The following CTSB variants were observed in gnomAD, a reference collection of about 807,000 sequenced individuals.
CTSB encodes APP secretase.
In CTSB, 57 loss-of-function variants were observed where a neutral mutation model predicts 44.3. The ratio of observed to expected loss-of-function variants is 1.29; its 90% CI spans 1.04 to 1.60. The LOEUF (loss-of-function observed/expected upper bound fraction) is 1.60. Ranked by LOEUF, CTSB falls within the 40% of genes most tolerant of loss-of-function variation. The pLI is 0.00. For missense variants in CTSB, 768 were observed against 443.0 expected, an observed-to-expected ratio of 1.73 and a Z score of -6.59; for synonymous variants, 320 against 168.0, an observed-to-expected ratio of 1.91 and a Z score of -7.00.
Position 11,851,347 on chromosome 8 carries a change from ACC to A in CTSB, c.213-369_213-368del, listed in dbSNP as rs1814571898. Reference sequence around the variant, plus strand: ...TGGGATTACAGGCATGCACCACCACACCCGGCTAATTTTTGTATTTTTAGTAA... The same window carrying A: ...TGGGATTACAGGCATGCACCACCACACGGCTAATTTTTGTATTTTTAGTAA... On this transcript the variant is annotated intron_variant, in intron 3 of 9. Transcript: ENST00000353047. 2.0e-5 allele frequency among the ~76,000 whole-genome samples: 3 copies of A among 150,698 alleles called. No homozygotes were observed. In the South Asian group the frequency reaches 6.3e-4, roughly 32 times the overall value.
In CTSB at chr8:11,847,897, G is replaced by A. The variant is rs561808237; in HGVS notation, c.533-75C>T. The A allele has an allele frequency of 2.3e-5, 34 of 1,506,992 alleles. 1 individual carries two copies. In the South Asian group the frequency reaches 3.7e-4, roughly 16 times the overall value. 93.4% of individuals were successfully genotyped at this position (1,506,992 alleles called of 1,614,324 possible). ...AGACCTGGGGCAAGGCAAGCCTCGT[G>A]CCTGCAGCATGGACGCCAGGCAGGT... On this transcript the variant is annotated intron_variant, in intron 6 of 9. Coordinates refer to ENST00000353047, the MANE Select transcript of CTSB (RefSeq NM_001908.5).
Position 11,849,047 on chromosome 8 carries a change from C to T in CTSB, c.445G>A (p.Gly149Ser), listed in dbSNP as rs761461189. 2.5e-6 allele frequency: 4 copies of T among 1,610,602 alleles called. No homozygotes were observed. Among genetic ancestry groups the T allele is most frequent in the Non-Finnish European group, 3.4e-6 (4 of 1,177,512 alleles). The part of the protein sequence containing the change: ...LTCCGSMCGD[G>S]CNGGYPAEAW... The stretch of plus-strand genomic sequence containing the variant: ...CTGTGGAAGCACAGCCTGACTCACC[C>T]GTCCCCACACATGCTGCCACAGCAT... Residue 149 changes from glycine (G) to serine (S), a missense_variant and splice_region_variant, in exon 5 of 10, where the codon GGC becomes AGC. Transcript: ENST00000353047.
At chr8:11,849,326 G>C in intron 4 of CTSB, 162 bp from the exon 5 acceptor site, 2 of 515,724 alleles carry the variant, frequency 3.9e-6, no homozygotes, top group Admixed American at 3.1e-5. Flanking sequence ...TATTTTCTTT[G>C]GTAGAAATGG....
At chr8:11,858,425 G>C (rs1815873301) in intron 1 of CTSB, among the ~76,000 whole-genome samples, 1 of 152,136 alleles carries the variant, frequency 6.6e-6, no homozygotes, top group Non-Finnish European at 1.5e-5. Context: ...CTCCTAAGGA[G>C]CTGGGACTAC....
intron 1 of CTSB, among the ~76,000 whole-genome samples, chr8:11,863,453 G>T (rs950686235): frequency 6.7e-6 from 1 of 150,086 alleles, no homozygotes; most frequent in Non-Finnish European, 1.5e-5. Flanking sequence ...GTGAGACTCC[G>T]TTTCAAAAAA....
rs201335839 is a variant in CTSB, at chr8:11,845,763, T to A, written c.820A>T (p.Met274Leu). The change falls in exon 9 of 10, where the codon ATG becomes TTG. Residue 274 changes from methionine to leucine, a missense_variant. Transcript: ENST00000353047. ...ATGCGGATGGCATGGCCACCCATCATCTCTCCGGTGACGTGTTGGTACACT... is the reference window on the plus strand; with the variant it reads ...ATGCGGATGGCATGGCCACCCATCAACTCTCCGGTGACGTGTTGGTACACT... Reference protein sequence around the residue: ...SGVYQHVTGEMMGGHAIRILG... With the variant: ...SGVYQHVTGELMGGHAIRILG... The A allele has an allele frequency of 1.3e-4, 212 of 1,613,930 alleles. 1 individual carries two copies. Among genetic ancestry groups the A allele is most frequent in the South Asian group, 4.8e-4 (44 of 91,072 alleles).
intron 4 of CTSB, 153 bp downstream of exon 4, chr8:11,850,713 G>C (rs1586126557): frequency 9.0e-6 from 5 of 552,874 alleles, no homozygotes; most frequent in Non-Finnish European, 1.6e-5. Context: ...CATGGCCAGA[G>C]GGATTGTGAT....
intron 1 of CTSB, among the ~76,000 whole-genome samples, chr8:11,855,458 A>G (rs1040365848): frequency 2.0e-5 from 3 of 152,232 alleles, no homozygotes; most frequent in African/African-American, 7.2e-5. Context: ...GGTGTTCAAC[A>G]CCAGCCTGGA....
chr8:11,854,035 G>C (rs975533675), intron 1 of CTSB, among the ~76,000 whole-genome samples: 1 of 152,166 alleles, frequency 6.6e-6, no homozygotes, highest in African/African-American at 2.4e-5. Flanking sequence ...GTCAGCCAAG[G>C]GCTCTGCTTC....
At chr8:11,867,793 C>T (rs1217004964) in intron 1 of CTSB, 1 of 152,176 alleles carries the variant, frequency 6.6e-6, no homozygotes, top group African/African-American at 2.4e-5. Context: ...GCTTTTCTCG[C>T]CGACGCTTCG....
intron 1 of CTSB, among the ~76,000 whole-genome samples, chr8:11,863,699 T>G (rs1816732278): frequency 6.6e-6 from 1 of 152,214 alleles, no homozygotes; most frequent in Non-Finnish European, 1.5e-5. Flanking sequence ...AAAGATTAAA[T>G]TTGAATTTCT....
chr8:11,845,050 A>C lies in CTSB; in HGVS notation c.*75T>G. ...AGACCCTGTCTGAAACTTGTATCTT[A>C]CGTGAACTTAAAGAATAAAATGCAT... On this transcript the variant is annotated 3_prime_UTR_variant, in exon 10 of 10. Coordinates refer to ENST00000353047, the MANE Select transcript of CTSB (RefSeq NM_001908.5). 1 of 999,196 alleles carries C rather than the reference A, an allele frequency of 1.0e-6. No homozygotes were observed. Among genetic ancestry groups the C allele is most frequent in the South Asian group, 1.3e-5 (1 of 76,192 alleles). 61.9% of individuals were successfully genotyped at this position (999,196 alleles called of 1,614,324 possible).
chr8:11,865,493 G>A (rs1387309899), intron 1 of CTSB: 1 of 124,706 alleles, frequency 8.0e-6, no homozygotes, highest in Admixed American at 8.9e-5. Flanking sequence ...AGAGACTGAG[G>A]CAGGAGAATG....
At chr8:11,848,898 A>G in intron 5 of CTSB, 148 bp downstream of exon 5, 1 of 588,106 alleles carries the variant, frequency 1.7e-6, no homozygotes, top group South Asian at 1.9e-5. Flanking sequence ...CAGCCTTGCC[A>G]GGCCCTGCCT....
chr8:11,848,293 C>A, intron 5 of CTSB, 141 bp from the exon 6 acceptor site: 1 of 736,318 alleles, frequency 1.4e-6, no homozygotes, highest in Non-Finnish European at 2.4e-6. Flanking sequence ...CTCCCAGACC[C>A]CAAACCCTCC....
Position 11,845,754 on chromosome 8 carries a change from C to T in CTSB, c.829G>A (p.Gly277Ser). The T allele has an allele frequency of 6.2e-7, 1 of 1,614,090 alleles. No individual in the cohort carries two copies. The highest frequency in any genetic ancestry group is 8.5e-7 in the Non-Finnish European group (1 of 1,179,960). Residue 277 changes from glycine (G) to serine (S), a missense_variant, in exon 9 of 10, where the codon GGC (glycine) becomes AGC (serine). Gly to Ser is a moderately conservative substitution (Grantham distance 56). Transcript: ENST00000353047. ...CAGCCCAGGATGCGGATGGCATGGC[C>T]ACCCATCATCTCTCCGGTGACGTGT... is the stretch of plus-strand genomic sequence containing the variant. ...YQHVTGEMMG[G>S]HAIRILGWGV...
intron 4 of CTSB, chr8:11,849,849 G>C (rs529122938): frequency 1.3e-5 from 2 of 152,148 alleles, no homozygotes; most frequent in African/African-American, 2.4e-5. Flanking sequence ...CCAAAGTGTT[G>C]AGATTACAGG....
rs1812507221 is a variant in CTSB at position 11,842,890 on chromosome 8, G to A, written c.*2235C>T. 2 of 148,726 alleles carry A rather than the reference G, an allele frequency of 1.3e-5. No homozygotes were observed. Among genetic ancestry groups the A allele is most frequent in the Non-Finnish European group, 3.0e-5 (2 of 67,710 alleles). The allele number at this position is 148,726 out of a possible 1,614,324, so 9.2% of individuals were successfully genotyped here. On this transcript the variant is annotated 3_prime_UTR_variant, in exon 10 of 10. Coordinates refer to ENST00000353047, the MANE Select transcript of CTSB (RefSeq NM_001908.5). ...GACCTCAGGTGATCTGCCCGCCTCA[G>A]CCTCCCAAAGTGCTGGGATTACAGG...
chr8:11,845,808 G>C lies in CTSB; in HGVS notation c.794-19C>G, dbSNP rs533744082. ...TACACTCCTGAAAAGGGAAGAACTGGCTGAGACCGAGACCGGGCCACTGTC... is the reference window on the plus strand; with the variant it reads ...TACACTCCTGAAAAGGGAAGAACTGCCTGAGACCGAGACCGGGCCACTGTC... On this transcript the variant is annotated intron_variant, in intron 8 of 9. Coordinates refer to ENST00000353047, the MANE Select transcript of CTSB (RefSeq NM_001908.5). 4 of 1,602,506 alleles carry C rather than the reference G, an allele frequency of 2.5e-6. No homozygotes were observed. Among genetic ancestry groups the C allele is most frequent in the East Asian group, 4.5e-5 (2 of 44,388 alleles).
Sources: allele counts gnomAD v4.1 joint callset (sites outside exome capture counted in the v4.1 genomes callset), GRCh38; gene constraint gnomAD v4.1.1; transcripts MANE v1.5; gene names NCBI Gene and HGNC (gene_info 2026-07-23, HGNC 2026-07-21).